The following DDR2 variants were observed in gnomAD, a reference collection of about 807,000 sequenced individuals.
The protein encoded by DDR2 is discoidin domain receptor tyrosine kinase 2.
In DDR2, 27 loss-of-function variants were observed where a neutral mutation model predicts 94.9. The ratio of observed to expected loss-of-function variants is 0.28; its 90% CI spans 0.21 to 0.39. The LOEUF is 0.39. DDR2 is among the 10% of genes least tolerant of loss of function. DDR2 has a pLI of 1.00. For missense variants in DDR2, 783 were observed against 1,076.0 expected (o/e 0.73, Z 3.81); for synonymous variants, 382 against 377.2 (o/e 1.01, Z -0.15).
intron 2 of DDR2, among the ~76,000 whole-genome samples, chr1:162,673,604 T>A (rs1021113342): frequency 5.5e-5 from 7 of 127,604 alleles, no homozygotes; most frequent in African/African-American, 2.2e-4. Context: ...TATGTGTGTG[T>A]GTGTGAGAGA....
intron 1 of DDR2, among the ~76,000 whole-genome samples, chr1:162,649,542 A>G (rs1000516447): frequency 2.6e-5 from 4 of 152,192 alleles, no homozygotes; most frequent in Non-Finnish European, 5.9e-5. Flanking sequence ...AGCTCCTTTC[A>G]AAAGTCTGTC....
At chr1:162,666,567 AAAT>A (rs1658579211) in intron 2 of DDR2, among the ~76,000 whole-genome samples, 1 of 152,186 alleles carries the variant, frequency 6.6e-6, no homozygotes, top group Non-Finnish European at 1.5e-5. Flanking sequence ...GCTGTTGAAA[AAAT>A]GTGTGTGGGG....
intron 2 of DDR2, among the ~76,000 whole-genome samples, chr1:162,675,279 C>T (rs753597651): frequency 1.3e-4 from 20 of 151,990 alleles, no homozygotes; most frequent in South Asian, 6.2e-4. Flanking sequence ...TACAGGGTAG[C>T]AGGGATGGGG....
chr1:162,740,536 T>A (rs1195877179), intron 3 of DDR2, among the ~76,000 whole-genome samples: 9 of 152,212 alleles, frequency 5.9e-5, no homozygotes, highest in Non-Finnish European at 1.2e-4. Flanking sequence ...CACTCAGGTC[T>A]CTGCTCCGAG....
intron 2 of DDR2, among the ~76,000 whole-genome samples, chr1:162,673,246 A>G (rs775163250): frequency 5.9e-5 from 9 of 152,152 alleles, no homozygotes; most frequent in Non-Finnish European, 1.3e-4. Context: ...GGTGTTCTCA[A>G]AGGTGGGGCC....
chr1:162,640,686 C>A (rs1332563660), intron 1 of DDR2, among the ~76,000 whole-genome samples: 1 of 152,010 alleles, frequency 6.6e-6, no homozygotes, highest in Non-Finnish European at 1.5e-5. Context: ...CAGATAAGTA[C>A]CCTAAACTTA....
chr1:162,745,504 C>T (rs1662808152), intron 3 of DDR2, among the ~76,000 whole-genome samples: 1 of 151,938 alleles, frequency 6.6e-6, no homozygotes, highest in African/African-American at 2.4e-5. Context: ...TTTTTGGGTA[C>T]AATGTATGAT....
At chr1:162,751,815 C>T (rs896027140) in intron 3 of DDR2, among the ~76,000 whole-genome samples, 10 of 152,072 alleles carry the variant, frequency 6.6e-5, no homozygotes, top group African/African-American at 2.4e-4. Flanking sequence ...TACTATGCAG[C>T]CATAAAAAAG....
At chr1:162,635,830 TG>T (rs1289436511) in intron 1 of DDR2, among the ~76,000 whole-genome samples, 1 of 152,232 alleles carries the variant, frequency 6.6e-6, no homozygotes, top group Non-Finnish European at 1.5e-5. Flanking sequence ...CAGGTGATTC[TG>T]ATGTGAAACA....
intron 2 of DDR2, among the ~76,000 whole-genome samples, chr1:162,682,840 C>T (rs541320449): frequency 6.6e-6 from 1 of 152,264 alleles, no homozygotes; most frequent in East Asian, 1.9e-4. Context: ...GCTTTAAAAA[C>T]ATGACCCAAC....
rs2102198946 is a variant in DDR2 at position 162,776,227 on chromosome 1, C to T, written c.2140C>T (p.Arg714Ter). 8 of 1,613,884 alleles carry T rather than the reference C, an allele frequency of 5.0e-6. No individual in the cohort carries two copies. Among genetic ancestry groups the T allele is most frequent in the Non-Finnish European group, 5.1e-6 (6 of 1,179,944 alleles). The change falls in exon 16 of 18, where the codon CGA (arginine) becomes TGA (stop). Residue 714 changes from arginine to a stop codon, truncating the protein, a stop_gained. Coordinates refer to ENST00000367921, the MANE Select transcript of DDR2 (RefSeq NM_006182.4). LOFTEE classifies it high-confidence loss of function. ...LNFVHRDLAT[R>*]NCLVGKNYTI... is the part of the protein sequence containing the mutation. ...TTTTGTTCACCGAGATCTGGCCACA[C>T]GAAACTGTTTAGTGGGTAAGAACTA...
intron 2 of DDR2, among the ~76,000 whole-genome samples, chr1:162,684,870 C>T (rs890618764): frequency 2.7e-5 from 4 of 148,986 alleles, no homozygotes; most frequent in Non-Finnish European, 5.9e-5. Flanking sequence ...TGAATAGCAC[C>T]CTTAGCACCA....
At chr1:162,757,108 A>G (rs549806505) in intron 7 of DDR2, among the ~76,000 whole-genome samples, 168 of 152,236 alleles carry the variant, frequency 1.1e-3, no homozygotes, top group Non-Finnish European at 2.0e-3. Context: ...AGGAAAAAGT[A>G]AACTATAGTA....
At chr1:162,641,985 C>T (rs146093986) in intron 1 of DDR2, among the ~76,000 whole-genome samples, 54 of 152,264 alleles carry the variant, frequency 3.5e-4, no homozygotes, top group African/African-American at 1.3e-3. Flanking sequence ...GAGTCTCTCC[C>T]TGTCGCCCAG....
At position 162,755,730 on chromosome 1, in the gene DDR2, A is replaced by T. The variant is rs770824472; in HGVS notation, c.632A>T (p.Tyr211Phe). Reference sequence around the variant, plus strand: ...GTACTCCCTGGAGGTTCCATCATTTATCTGAATGATTCTGTCTATGATGGA... The same window carrying T: ...GTACTCCCTGGAGGTTCCATCATTTTTCTGAATGATTCTGTCTATGATGGA... ...QFVLPGGSII[Y>F]LNDSVYDGAV... The change falls in exon 7 of 18, where the codon TAT (tyrosine) becomes TTT (phenylalanine). Residue 211 changes from tyrosine to phenylalanine, a missense_variant. Transcript: ENST00000367921. The T allele has an allele frequency of 3.1e-6, 5 of 1,614,176 alleles. No homozygotes were observed. Among genetic ancestry groups the T allele is most frequent in the Admixed American group, 3.3e-5 (2 of 60,020 alleles).
At chr1:162,772,837 T>C (rs1406585655) in intron 13 of DDR2, among the ~76,000 whole-genome samples, 13 of 152,202 alleles carry the variant, frequency 8.5e-5, no homozygotes, top group Admixed American at 8.5e-4. Flanking sequence ...TTTTGAATTC[T>C]AATAGGAACT....
intron 3 of DDR2, among the ~76,000 whole-genome samples, chr1:162,732,518 C>T (rs1372606266): frequency 6.6e-6 from 1 of 152,228 alleles, no homozygotes; most frequent in Non-Finnish European, 1.5e-5. Flanking sequence ...GTCACTTCAC[C>T]TTTCTGGGCC....
Position 162,775,828 on chromosome 1 carries a change from A to C in DDR2, c.2033A>C (p.Asp678Ala), listed in dbSNP as rs1263582839. The change falls in exon 15 of 18, where the codon GAT becomes GCT. Residue 678 changes from aspartate to alanine, a missense_variant. Physicochemically the swap from Asp to Ala is moderately radical, Grantham distance 126 (BLOSUM62 -2). Transcript: ENST00000367921. ...RHEPPNSSSS[D>A]VRTVSYTNLK... Reference sequence around the variant, plus strand: ...GAGCCCCCTAATTCTTCCTCCAGCGATGTACGCACTGTCAGGTAAACAAGC... The same window carrying C: ...GAGCCCCCTAATTCTTCCTCCAGCGCTGTACGCACTGTCAGGTAAACAAGC... The C allele has an allele frequency of 6.2e-7, 1 of 1,614,012 alleles. No homozygotes were observed. The highest frequency in any genetic ancestry group is 8.5e-7 in the Non-Finnish European group (1 of 1,179,970).
Position 162,778,712 on chromosome 1 carries a change from C to T in DDR2, c.2416C>T (p.Arg806Ter), listed in dbSNP as rs1218815846. 3 of 1,613,698 alleles carry T rather than the reference C, an allele frequency of 1.9e-6. No individual in the cohort carries two copies. The highest frequency in any genetic ancestry group is 1.7e-5 in the Admixed American group (1 of 59,968). ...TATTGAGAATACTGGAGAGTTCTTC[C>T]GAGACCAAGGGAGGCAGGTAAGAAC... ...QVIENTGEFF[R>*]DQGRQTYLPQ... The change falls in exon 17 of 18, where the codon CGA becomes TGA. Residue 806 changes from arginine (R) to a stop codon, truncating the protein, a stop_gained. Coordinates refer to ENST00000367921, the MANE Select transcript of DDR2 (RefSeq NM_006182.4). LOFTEE classifies it high-confidence loss of function.
Sources: gnomAD v4.1 joint callset for allele counts (sites outside exome capture counted in the v4.1 genomes callset) on GRCh38, gnomAD v4.1.1 for gene constraint, MANE v1.5 for transcripts, NCBI Gene and HGNC (gene_info 2026-07-23, HGNC 2026-07-21) for gene names.